The following SLC5A4 variants were observed in gnomAD, a reference collection of about 807,000 sequenced individuals.
SLC5A4 encodes solute carrier family 5 member 4, also known as probable glucose sensor protein SLC5A4.
Under a neutral mutation model 70.3 loss-of-function variants are expected in SLC5A4, and 55 were observed. The observed-to-expected ratio is 0.78, with a 90% CI of 0.63 to 0.98. The LOEUF is 0.98. SLC5A4 is among the 50% of genes least tolerant of loss of function. The pLI is 0.00. For synonymous variants in SLC5A4, 268 were observed against 305.7 expected (o/e 0.88, Z 1.29); for missense variants, 735 against 839.2 (o/e 0.88, Z 1.53).
At chr22:32,279,979 A>T in the SLC5A4 span, among the ~76,000 whole-genome samples, 1 of 152,156 alleles carries the variant, frequency 6.6e-6, no homozygotes, top group Non-Finnish European at 1.5e-5. Context: ...CCTGCGACCA[A>T]GTGCCCAATT....
intron 7 of SLC5A4, among the ~76,000 whole-genome samples, chr22:32,235,684 G>C (rs1178715589): frequency 1.3e-5 from 2 of 151,356 alleles, no homozygotes; most frequent in Non-Finnish European, 2.9e-5. Context: ...AGCCTGTTCG[G>C]GTCTGGAAAG....
At chr22:32,300,134 T>C in the SLC5A4 span, among the ~76,000 whole-genome samples, 4 of 152,126 alleles carry the variant, frequency 2.6e-5, no homozygotes, top group African/African-American at 9.7e-5. Context: ...CCACCAGAGG[T>C]GGAGCCTACA....
At chr22:32,242,264 C>G (rs988079878) in intron 5 of SLC5A4, among the ~76,000 whole-genome samples, 1 of 152,150 alleles carries the variant, frequency 6.6e-6, no homozygotes, top group African/African-American at 2.4e-5. Flanking sequence ...ATAGGTGACT[C>G]CAGGACTGGA....
chr22:32,264,796 G>T, the SLC5A4 span, among the ~76,000 whole-genome samples: 7 of 151,982 alleles, frequency 4.6e-5, no homozygotes, highest in African/African-American at 1.7e-4. Context: ...CACTTTTTTT[G>T]TAGCCCTTGT....
the SLC5A4 span, among the ~76,000 whole-genome samples, chr22:32,310,815 G>A: frequency 6.6e-6 from 1 of 152,218 alleles, no homozygotes; most frequent in South Asian, 2.1e-4. Context: ...AGGGAGAATG[G>A]AGGATGCTTT....
At chr22:32,345,574 G>A in the SLC5A4 span, among the ~76,000 whole-genome samples, 1 of 151,744 alleles carries the variant, frequency 6.6e-6, no homozygotes, top group Admixed American at 6.6e-5. Context: ...AAGTAATGAG[G>A]GACATGAAAA....
intron 5 of SLC5A4, among the ~76,000 whole-genome samples, chr22:32,242,536 T>C (rs1263707829): frequency 6.6e-6 from 1 of 152,002 alleles, no homozygotes; most frequent in Non-Finnish European, 1.5e-5. Context: ...GGCGAAACCC[T>C]ATCTCTACTA....
chr22:32,342,023 G>A, the SLC5A4 span, among the ~76,000 whole-genome samples: 7 of 152,280 alleles, frequency 4.6e-5, no homozygotes, highest in East Asian at 3.9e-4. Context: ...CAGGCAGACC[G>A]TAAGCTCTGT....
chr22:32,297,308 T>C, the SLC5A4 span, among the ~76,000 whole-genome samples: 1 of 150,440 alleles, frequency 6.6e-6, no homozygotes, highest in East Asian at 2.0e-4. Flanking sequence ...TGGTAAGCTA[T>C]TGATTATTGC....
At chr22:32,304,664 T>G in the SLC5A4 span, among the ~76,000 whole-genome samples, 342 of 152,354 alleles carry the variant, frequency 2.2e-3, 4 homozygotes, top group South Asian at 0.012. Flanking sequence ...GCAAATATTT[T>G]CTCCCGTTCT....
At position 32,252,147 on chromosome 22, in the gene SLC5A4, A is replaced by G. The variant is rs111925634; in HGVS notation, c.208-273T>C. Among the ~76,000 whole-genome samples the G allele has an allele frequency of 5.4e-3, 814 of 151,702 alleles. 10 individuals carry two copies. Among genetic ancestry groups the G allele is most frequent in the African/African-American group, 0.019 (765 of 41,344 alleles). On this transcript the variant is annotated intron_variant, in intron 2 of 14. Coordinates refer to ENST00000266086, the MANE Select transcript of SLC5A4 (RefSeq NM_014227.3). ...CTGGAGGCTGAGGCAGGAGAATGGC[A>G]TGAACCCAGGGGGTGGAGCCTGCAG...
chr22:32,253,810 C>G (rs1310225751), intron 2 of SLC5A4, among the ~76,000 whole-genome samples: 1 of 150,878 alleles, frequency 6.6e-6, no homozygotes, highest in African/African-American at 2.4e-5. Context: ...GATGGAGTTT[C>G]ATTCTTGTTG....
the SLC5A4 span, among the ~76,000 whole-genome samples, chr22:32,331,101 G>A: frequency 7.5e-6 from 1 of 134,180 alleles, no homozygotes; most frequent in African/African-American, 2.8e-5. Context: ...TGTGTGTGTT[G>A]GAGGCTCTTG....
the SLC5A4 span, among the ~76,000 whole-genome samples, chr22:32,329,624 TGTGTTGGAGGGCTCTGGG>T: frequency 1.2e-5 from 1 of 84,700 alleles, no homozygotes; most frequent in Non-Finnish European, 2.2e-5. Context: ...CTCTGGTGTG[TGTGTTGGAGGGCTCTGGG>T]GTGTGTGTTG....
chr22:32,218,853 T>C (rs1017534033), intron 14 of SLC5A4, 128 bp from the exon 15 acceptor site: 1 of 640,442 alleles, frequency 1.6e-6, no homozygotes, highest in African/African-American at 1.9e-5. Flanking sequence ...GAGGAATCCC[T>C]GAGAAAATGT....
At chr22:32,272,303 GA>G in the SLC5A4 span, 1 of 819,876 alleles carries the variant, frequency 1.2e-6, no homozygotes, top group African/African-American at 1.7e-5. Flanking sequence ...AGAAGGAGCA[GA>G]AGGGGCCCGT....
the SLC5A4 span, among the ~76,000 whole-genome samples, chr22:32,333,861 CAG>C: frequency 7.8e-6 from 1 of 127,836 alleles, no homozygotes; most frequent in East Asian, 2.0e-4. Flanking sequence ...ACACACACCA[CAG>C]ACACCCACAA....
the SLC5A4 span, among the ~76,000 whole-genome samples, chr22:32,312,380 C>CAT: frequency 7.2e-6 from 1 of 138,700 alleles, no homozygotes; most frequent in South Asian, 2.6e-4. Flanking sequence ...CACACACACA[C>CAT]ACACACGCAC....
At chr22:32,320,040 G>T in the SLC5A4 span, among the ~76,000 whole-genome samples, 3 of 152,114 alleles carry the variant, frequency 2.0e-5, no homozygotes, top group African/African-American at 7.2e-5. Flanking sequence ...AAAGGATCCG[G>T]GAAGGGAGAA....
Sources: allele counts gnomAD v4.1 joint callset (sites outside exome capture counted in the v4.1 genomes callset), GRCh38; gene constraint gnomAD v4.1.1; transcripts MANE v1.5; gene names NCBI Gene and HGNC (gene_info 2026-07-23, HGNC 2026-07-21).